Variants in WDR37 observed in about 807,000 individuals in gnomAD.
WDR37 encodes WD repeat domain 37.
In WDR37, 19 loss-of-function variants were observed where a neutral mutation model predicts 62.9. The observed-to-expected ratio is 0.30, with a 90% CI of 0.21 to 0.44. The LOEUF (loss-of-function observed/expected upper bound fraction) is 0.44, where lower values mean the gene tolerates loss of function less well. WDR37 is among the 20% of genes least tolerant of loss of function. The probability of loss-of-function intolerance (pLI) is 1.00; values close to 1 mark genes in which losing one functional copy is unlikely to be tolerated. For synonymous variants in WDR37, 250 were observed against 260.9 expected, an observed-to-expected ratio of 0.96 and a Z score of 0.40; for missense variants, 474 against 657.6, an observed-to-expected ratio of 0.72 and a Z score of 3.05.
intron 1 of WDR37, among the ~76,000 whole-genome samples, chr10:1,067,873 T>A (rs1293699939): frequency 1.3e-5 from 2 of 151,904 alleles, no homozygotes; most frequent in Non-Finnish European, 2.9e-5. Context: ...ACACACACAC[T>A]CTGCAATACC....
chr10:1,091,929 C>G (rs771929364), intron 7 of WDR37, among the ~76,000 whole-genome samples: 4 of 152,044 alleles, frequency 2.6e-5, no homozygotes, highest in African/African-American at 7.2e-5. Context: ...GCCTGTAATC[C>G]TAGCACTTTG....
intron 5 of WDR37, among the ~76,000 whole-genome samples, chr10:1,081,080 T>C (rs933986951): frequency 5.3e-5 from 8 of 152,216 alleles, no homozygotes; most frequent in African/African-American, 1.9e-4. Context: ...AGCTAATAAA[T>C]AGGTACAAAT....
At position 1,105,083 on chromosome 10, in the gene WDR37, G is replaced by T. The variant is rs1271415839; in HGVS notation, c.962-43G>T. 29 of 1,606,010 alleles carry T rather than the reference G, an allele frequency of 1.8e-5. No individual in the cohort carries two copies. Among genetic ancestry groups the T allele is most frequent in the African/African-American group, 2.7e-5 (2 of 74,790 alleles). On this transcript the variant is annotated intron_variant, in intron 10 of 13. Transcript: ENST00000263150. The surrounding 1 kb of genome is among the most constrained non-coding windows in gnomAD (Gnocchi z 5.3). ...TGTTGAAAAGCGTCTCTCTCAGCGTGCTCCTCAGGTGATGACCTTGTGTTT... is the reference window on the plus strand; with the variant it reads ...TGTTGAAAAGCGTCTCTCTCAGCGTTCTCCTCAGGTGATGACCTTGTGTTT...
At chr10:1,123,499 G>A (rs1215523624) in intron 11 of WDR37, among the ~76,000 whole-genome samples, 1 of 152,120 alleles carries the variant, frequency 6.6e-6, no homozygotes, top group Non-Finnish European at 1.5e-5. Context: ...AGATGAGGGG[G>A]ATTCTTGAAA....
intron 1 of WDR37, among the ~76,000 whole-genome samples, chr10:1,060,213 C>T (rs768298554): frequency 6.6e-6 from 1 of 152,140 alleles, no homozygotes; most frequent in South Asian, 2.1e-4. Context: ...ATTAATTAGT[C>T]GAATGTTTGG....
intron 9 of WDR37, among the ~76,000 whole-genome samples, chr10:1,102,347 T>C (rs1834851449): frequency 7.0e-6 from 1 of 142,312 alleles, no homozygotes; most frequent in African/African-American, 2.7e-5. Context: ...TCCCTAGTAA[T>C]GTATATGTGC....
At chr10:1,123,204 A>T (rs932854787) in intron 11 of WDR37, among the ~76,000 whole-genome samples, 1 of 152,258 alleles carries the variant, frequency 6.6e-6, no homozygotes, top group African/African-American at 2.4e-5. Context: ...GCAGGTTCCA[A>T]GAGTGGTTGT....
chr10:1,100,647 C>T (rs1265233359), intron 9 of WDR37, among the ~76,000 whole-genome samples: 1 of 152,210 alleles, frequency 6.6e-6, no homozygotes, highest in Non-Finnish European at 1.5e-5. Flanking sequence ...GTAGTGGAAA[C>T]AGACTTAGAC....
In WDR37 at chr10:1,121,748, C is replaced by T. The variant is rs1043409527; in HGVS notation, c.1104-2470C>T. On this transcript the variant is annotated intron_variant, in intron 11 of 13. Transcript: ENST00000263150. The surrounding 1 kb of genome is among the most constrained non-coding windows in gnomAD (Gnocchi z 4.5). ...GATGCTGCACCACAGGGAAGGGCCC[C>T]GACCAGACATCAGGTCCTAGCGGGG... 5.3e-5 allele frequency among the ~76,000 whole-genome samples: 8 copies of T among 152,290 alleles called. No individual in the cohort carries two copies. The highest frequency in any genetic ancestry group is 1.3e-4 in the Admixed American group (2 of 15,298).
chr10:1,094,423 G>C (rs749722204), intron 8 of WDR37, among the ~76,000 whole-genome samples: 5 of 152,236 alleles, frequency 3.3e-5, no homozygotes, highest in Non-Finnish European at 5.9e-5. Context: ...GGTACTTCCA[G>C]TGTGTGGGAT....
intron 9 of WDR37, among the ~76,000 whole-genome samples, chr10:1,101,118 C>A (rs1020540698): frequency 6.6e-6 from 1 of 152,250 alleles, no homozygotes; most frequent in African/African-American, 2.4e-5. Flanking sequence ...TCAGTTCTTT[C>A]TTCCCACCCT....
intron 11 of WDR37, among the ~76,000 whole-genome samples, chr10:1,119,679 G>A (rs1835511976): frequency 6.6e-6 from 1 of 152,190 alleles, no homozygotes; most frequent in Non-Finnish European, 1.5e-5. Flanking sequence ...TATTATAAGT[G>A]GCCAGTCACT....
chr10:1,097,692 C>T (rs1049946031), intron 9 of WDR37, among the ~76,000 whole-genome samples: 2 of 152,166 alleles, frequency 1.3e-5, no homozygotes, highest in Non-Finnish European at 2.9e-5. Context: ...TGGAGGGTGG[C>T]GCATCCAGAC....
chr10:1,095,663 C>T (rs1589103270), intron 8 of WDR37, among the ~76,000 whole-genome samples: 1 of 152,150 alleles, frequency 6.6e-6, no homozygotes, highest in South Asian at 2.1e-4. Flanking sequence ...CTTTCCAATC[C>T]TCAGTCAAAG....
chr10:1,076,122 C>G (rs949403122), intron 2 of WDR37, among the ~76,000 whole-genome samples: 1 of 152,092 alleles, frequency 6.6e-6, no homozygotes, highest in South Asian at 2.1e-4. Context: ...TTTATAGTTA[C>G]ATTTTCCTTT....
chr10:1,069,108 G>A (rs1412319789), intron 1 of WDR37, among the ~76,000 whole-genome samples: 1 of 152,076 alleles, frequency 6.6e-6, no homozygotes, highest in Admixed American at 6.6e-5. Flanking sequence ...TGATAAAAAT[G>A]TACAGTTGAT....
chr10:1,107,485 G>C (rs1835061683), intron 11 of WDR37, among the ~76,000 whole-genome samples: 1 of 152,266 alleles, frequency 6.6e-6, no homozygotes, highest in Non-Finnish European at 1.5e-5. Flanking sequence ...GAGTAGTACA[G>C]TGTACCCACA....
intron 1 of WDR37, among the ~76,000 whole-genome samples, chr10:1,063,943 T>C (rs1679423602): frequency 6.6e-6 from 1 of 152,080 alleles, no homozygotes; most frequent in Non-Finnish European, 1.5e-5. Flanking sequence ...AAATCACTCA[T>C]AGGAAAATCT....
chr10:1,126,280 T>A (rs181882603), intron 13 of WDR37, among the ~76,000 whole-genome samples: 44 of 151,548 alleles, frequency 2.9e-4, no homozygotes, highest in South Asian at 1.9e-3. Context: ...GTGGCGGGCG[T>A]CTGTAGTCCC....
Sources: allele counts gnomAD v4.1 joint callset (sites outside exome capture counted in the v4.1 genomes callset), GRCh38; gene constraint gnomAD v4.1.1; non-coding constraint Gnocchi (gnomAD v3.1); transcripts MANE v1.5; gene names NCBI Gene and HGNC (gene_info 2026-07-23, HGNC 2026-07-21).